Variants in GEM observed in about 807,000 individuals in gnomAD.
GEM encodes the protein GTP-binding protein GEM.
GEM carries 31 observed loss-of-function variants against 33.0 expected under a neutral mutation model. That is an observed-to-expected ratio of 0.94 (90% CI 0.71 to 1.27). The LOEUF (loss-of-function observed/expected upper bound fraction) is 1.27, where lower values mean the gene tolerates loss of function less well. Among genes scored for constraint, GEM ranks in the 50% most tolerant of loss-of-function variants. GEM has a pLI of 0.00. For synonymous variants in GEM, 141 were observed against 143.7 expected (o/e 0.98, Z 0.13); for missense variants, 354 against 390.5 (o/e 0.91, Z 0.79).
intron 2 of GEM, among the ~76,000 whole-genome samples, chr8:94,258,344 G>A (rs112188556): frequency 0.021 from 3,187 of 152,152 alleles, 108 homozygotes; most frequent in African/African-American, 0.071. Context: ...GCACTGTATC[G>A]TTACTGCTTA....
intron 2 of GEM, among the ~76,000 whole-genome samples, chr8:94,258,680 T>A (rs775830395): frequency 4.6e-5 from 7 of 152,236 alleles, no homozygotes; most frequent in Non-Finnish European, 1.0e-4. Context: ...GGTATATTAA[T>A]GCCAGATTGA....
Position 94,250,418 on chromosome 8 carries a change from G to A in GEM, c.783C>T (p.Ser261=). ...AGAAGCGCCTGGCTTTCCTGGGCAT[G>A]CTCTCCTTCCTTTTCTGGTAGGCCA... The part of the protein sequence containing the change: ...RRLAYQKRKE[S]MPRKARRFWG... The change falls in exon 5 of 5, where the codon AGC becomes AGT. Residue 261 remains serine, a synonymous_variant. Transcript: ENST00000297596. 6.2e-7 allele frequency: 1 copy of A among 1,614,154 alleles called. No homozygotes were observed. Among genetic ancestry groups the A allele is most frequent in the Non-Finnish European group, 8.5e-7 (1 of 1,179,986 alleles).
At chr8:94,252,277 A>G in intron 3 of GEM, 54 bp from the exon 4 acceptor site, 1 of 1,199,712 alleles carries the variant, frequency 8.3e-7, no homozygotes, top group Non-Finnish European at 1.2e-6. Flanking sequence ...GGAATAAAGC[A>G]TCAGTTTGCA....
At chr8:94,258,817 C>T (rs1048402656) in intron 2 of GEM, among the ~76,000 whole-genome samples, 3 of 152,170 alleles carry the variant, frequency 2.0e-5, no homozygotes, top group African/African-American at 7.2e-5. Context: ...ATCCACCTTC[C>T]TTATTGGGTG....
chr8:94,249,852 G>C lies in GEM; in HGVS notation c.*458C>G, dbSNP rs1460070634. 1 of 153,642 alleles carries C rather than the reference G, an allele frequency of 6.5e-6. No individual in the cohort carries two copies. Among genetic ancestry groups the C allele is most frequent in the Admixed American group, 6.5e-5 (1 of 15,364 alleles). 9.5% of individuals were successfully genotyped at this position (153,642 alleles called of 1,614,324 possible). A position where few individuals can be genotyped will look rare whatever the true frequency, so the allele number is the denominator to read the frequency against. Reference sequence around the variant, plus strand: ...TGATGAGCCTAGTTCTACAATTCTAGCTCCATGGATCTTAGATTCGTAGAA... The same window carrying C: ...TGATGAGCCTAGTTCTACAATTCTACCTCCATGGATCTTAGATTCGTAGAA... On this transcript the variant is annotated 3_prime_UTR_variant, in exon 5 of 5. Coordinates refer to ENST00000297596, the MANE Select transcript of GEM (RefSeq NM_005261.4).
chr8:94,254,236 C>T (rs1563606321), intron 2 of GEM, among the ~76,000 whole-genome samples: 1 of 152,182 alleles, frequency 6.6e-6, no homozygotes, highest in East Asian at 1.9e-4. Flanking sequence ...TCCTGCCCCT[C>T]TCGTAATGTT....
intron 2 of GEM, among the ~76,000 whole-genome samples, chr8:94,254,032 G>A (rs4735281): frequency 0.047 from 7,162 of 151,918 alleles, 394 homozygotes; most frequent in African/African-American, 0.13. Flanking sequence ...TTTTTGTCTA[G>A]AATCTTTTCC....
intron 1 of GEM, among the ~76,000 whole-genome samples, chr8:94,261,259 G>T (rs975298384): frequency 2.9e-4 from 44 of 152,168 alleles, no homozygotes; most frequent in African/African-American, 1.0e-3. Flanking sequence ...GCAGAGAAAT[G>T]ACCTGCTCAT....
At chr8:94,260,583 A>G in intron 1 of GEM, 71 bp from the exon 2 acceptor site, 1 of 784,162 alleles carries the variant, frequency 1.3e-6, no homozygotes, top group South Asian at 1.8e-5. Flanking sequence ...ATACATGGTC[A>G]GTCATCAGTA....
At chr8:94,261,514 A>G (rs963986481) in intron 1 of GEM, among the ~76,000 whole-genome samples, 27 of 152,140 alleles carry the variant, frequency 1.8e-4, no homozygotes, top group African/African-American at 6.5e-4. Flanking sequence ...CACGTCCACT[A>G]GTTTTTTTAT....
intron 3 of GEM, 92 bp from the exon 4 acceptor site, chr8:94,252,315 C>T: frequency 1.2e-6 from 1 of 857,528 alleles, no homozygotes; most frequent in Admixed American, 2.0e-5. Flanking sequence ...TCCTAAAGTA[C>T]ACTTGCTGAT....
chr8:94,250,660 T>C, intron 4 of GEM, 73 bp from the exon 5 acceptor site: 1 of 1,283,806 alleles, frequency 7.8e-7, no homozygotes, highest in Middle Eastern at 2.1e-4. Flanking sequence ...AGCTGGATGG[T>C]TCTTCGAGGT....
At chr8:94,252,989 G>T in intron 3 of GEM, 47 bp downstream of exon 3, 2 of 1,091,912 alleles carry the variant, frequency 1.8e-6, no homozygotes, top group South Asian at 1.3e-5. Context: ...ACAACTTGTT[G>T]AAAGGAAAGC....
At chr8:94,253,147 C>A (rs758313244) in intron 2 of GEM, 35 bp from the exon 3 acceptor site, 2 of 1,123,458 alleles carry the variant, frequency 1.8e-6, no homozygotes, top group African/African-American at 3.1e-5. Flanking sequence ...TGGAGTCAGG[C>A]GAATATGCAA....
chr8:94,254,239 G>A (rs568953234), intron 2 of GEM, among the ~76,000 whole-genome samples: 137 of 152,070 alleles, frequency 9.0e-4, no homozygotes, highest in Non-Finnish European at 1.6e-3. Context: ...TGCCCCTCTC[G>A]TAATGTTAGG....
Position 94,260,182 on chromosome 8 carries a change from C to A in GEM, c.322G>T (p.Val108Leu), listed in dbSNP as rs1182152545. Residue 108 changes from valine to leucine, a missense_variant, in exon 2 of 5, where the codon GTG becomes TTG. Transcript: ENST00000297596. ...GGGCTGGGACACCTACCTCCCAGCACCTCGCAGTCGCTGTCCATGCTGTCA... is the reference window on the plus strand; with the variant it reads ...GGGCTGGGACACCTACCTCCCAGCAACTCGCAGTCGCTGTCCATGCTGTCA... ...VHDSMDSDCEVLGEDTYERTL... is the reference protein window; with the variant it reads ...VHDSMDSDCELLGEDTYERTL... 1.9e-6 allele frequency: 3 copies of A among 1,587,078 alleles called. No homozygotes were observed. Among genetic ancestry groups the A allele is most frequent in the East Asian group, 2.3e-5 (1 of 44,088 alleles).
At chr8:94,258,032 C>T (rs957552896) in intron 2 of GEM, among the ~76,000 whole-genome samples, 4 of 152,064 alleles carry the variant, frequency 2.6e-5, no homozygotes, top group South Asian at 2.1e-4. Flanking sequence ...TGGTCCCCTG[C>T]GGCCCCAGGA....
intron 2 of GEM, 71 bp downstream of exon 2, chr8:94,260,102 T>C: frequency 1.0e-6 from 1 of 980,156 alleles, no homozygotes; most frequent in Admixed American, 2.0e-5. Flanking sequence ...GGTAAATAAG[T>C]CACCCACCCT....
chr8:94,259,864 G>A lies in GEM; in HGVS notation c.331+309C>T, dbSNP rs1429578816. 4 of 273,754 alleles carry A rather than the reference G, an allele frequency of 1.5e-5. No homozygotes were observed. The Admixed American group carries it at 1.9e-4, about 13-fold the overall frequency. The allele number at this position is 273,754 out of a possible 1,614,324, so 17.0% of individuals were successfully genotyped here. ...AATGTTCAAGTCAGAGTCAGCAGAA[G>A]TCAAGTGGGGCGCTGACCCTCTGGC... On this transcript the variant is annotated intron_variant, in intron 2 of 4. Coordinates refer to ENST00000297596, the MANE Select transcript of GEM (RefSeq NM_005261.4).
Sources: gnomAD v4.1 joint callset for allele counts (sites outside exome capture counted in the v4.1 genomes callset) on GRCh38, gnomAD v4.1.1 for gene constraint, MANE v1.5 for transcripts, NCBI Gene and HGNC (gene_info 2026-07-23, HGNC 2026-07-21) for gene names.